MID1: variants seen among roughly 807,000 people sequenced by gnomAD.
The protein encoded by MID1 is E3 ubiquitin-protein ligase Midline-1.
In MID1, 7 loss-of-function variants were observed where a neutral mutation model predicts 40.4. The ratio of observed to expected loss-of-function variants is 0.17; its 90% CI spans 0.10 to 0.33. MID1 has a LOEUF of 0.33. MID1 is among the 10% of genes least tolerant of loss of function. The pLI is 1.00. For missense variants in MID1, 367 were observed against 558.5 expected (o/e 0.66, Z 3.46); for synonymous variants, 229 against 221.2 (o/e 1.04, Z -0.31).
chrX:10,574,608 C>T (rs767494742), intron 1 of MID1, among the ~76,000 whole-genome samples: 5 of 111,894 alleles, frequency 4.5e-5, no homozygotes, highest in Non-Finnish European at 9.4e-5. Flanking sequence ...TAAGGTAAAC[C>T]CACCTCTCAA....
chrX:10,709,844 C>T (rs1357416933), intron 1 of MID1, among the ~76,000 whole-genome samples: 4 of 111,415 alleles, frequency 3.6e-5, no homozygotes, highest in Non-Finnish European at 7.5e-5. Context: ...ATTGCAATGA[C>T]GATTTTGATT....
rs780126366 is a variant in MID1 at position 10,629,176 on chromosome X, T to C, written c.-186-8757A>G. ...GATGAGTCAGGAATTTGCCATTACATTTGGAAGCAAACTGAAGCACTTTAA... is the reference window on the plus strand; with the variant it reads ...GATGAGTCAGGAATTTGCCATTACACTTGGAAGCAAACTGAAGCACTTTAA... On this transcript the variant is annotated intron_variant, in intron 1 of 10. Coordinates refer to the MID1 transcript ENST00000380785. 5.4e-5 allele frequency among the ~76,000 whole-genome samples: 6 copies of C among 111,149 alleles called. No individual in the cohort carries two copies. In the East Asian group the frequency reaches 1.7e-3, roughly 31 times the overall value.
At chrX:10,800,674 A>C (rs1352994181) in intron 1 of MID1, among the ~76,000 whole-genome samples, 1 of 111,819 alleles carries the variant, frequency 8.9e-6, no homozygotes, top group African/African-American at 3.3e-5. Context: ...CTACTACATT[A>C]TACGTAGAAA....
chrX:10,801,393 A>G (rs993703864), intron 1 of MID1, among the ~76,000 whole-genome samples: 2 of 111,768 alleles, frequency 1.8e-5, no homozygotes, highest in African/African-American at 6.5e-5. Context: ...TCCAAGGTCC[A>G]TAACTTATTC....
At chrX:10,531,920 C>G (rs762728523) in intron 2 of MID1, among the ~76,000 whole-genome samples, 83 of 112,200 alleles carry the variant, frequency 7.4e-4, no homozygotes, top group African/African-American at 2.6e-3. Flanking sequence ...ATGGATATCA[C>G]ATGAAGCTAT....
At chrX:10,579,991 C>G (rs1332615177) in intron 1 of MID1, among the ~76,000 whole-genome samples, 1 of 110,140 alleles carries the variant, frequency 9.1e-6, no homozygotes, top group African/African-American at 3.3e-5. Context: ...GGAGCCTTCT[C>G]GGAGAAATTC....
At chrX:10,503,661 T>C (rs1167013983) in intron 3 of MID1, among the ~76,000 whole-genome samples, 3 of 112,085 alleles carry the variant, frequency 2.7e-5, no homozygotes, top group East Asian at 5.6e-4. Context: ...CATAGTGACG[T>C]AGTGGAAAAT....
Position 10,595,683 on chromosome X carries a change from C to T in MID1, c.-57+24607G>A, listed in dbSNP as rs765447518. Among the ~76,000 whole-genome samples, 7 of 111,156 alleles carry T rather than the reference C, an allele frequency of 6.3e-5. No individual in the cohort carries two copies. In the South Asian group the frequency reaches 1.1e-3, roughly 18 times the overall value. Reference sequence around the variant, plus strand: ...CTGAGGGTATGGGGGAAGGGAGGAACGGGTAGAGATTGGTCAATAGGTACA... The same window carrying T: ...CTGAGGGTATGGGGGAAGGGAGGAATGGGTAGAGATTGGTCAATAGGTACA... On this transcript the variant is annotated intron_variant, in intron 1 of 9. Transcript: ENST00000317552.
At chrX:10,769,561 T>C (rs886533457) in intron 1 of MID1, among the ~76,000 whole-genome samples, 1 of 112,302 alleles carries the variant, frequency 8.9e-6, no homozygotes, top group South Asian at 3.7e-4. Flanking sequence ...TTTTTTTCTT[T>C]CTTTTCTTCA....
At chrX:10,582,391 A>G (rs1450050914) in intron 1 of MID1, among the ~76,000 whole-genome samples, 1 of 111,920 alleles carries the variant, frequency 8.9e-6, no homozygotes, top group East Asian at 2.8e-4. Flanking sequence ...AGCTCACAAG[A>G]GGTACAAAAA....
chrX:10,661,994 C>T (rs1424493274), intron 1 of MID1, among the ~76,000 whole-genome samples: 1 of 111,936 alleles, frequency 8.9e-6, no homozygotes, highest in Non-Finnish European at 1.9e-5. Context: ...ATTTCCTTTG[C>T]CTTTTTCGCT....
intron 1 of MID1, among the ~76,000 whole-genome samples, chrX:10,586,551 G>A (rs1935146308): frequency 8.9e-6 from 1 of 112,239 alleles, no homozygotes; most frequent in Admixed American, 9.4e-5. Context: ...TTAGAGTGTT[G>A]CAAACTTCAA....
At chrX:10,572,207 C>T (rs1406798468) in intron 1 of MID1, among the ~76,000 whole-genome samples, 2 of 105,933 alleles carry the variant, frequency 1.9e-5, no homozygotes, top group Non-Finnish European at 3.9e-5. Flanking sequence ...CACACACACA[C>T]ACACACACAC....
intron 1 of MID1, among the ~76,000 whole-genome samples, chrX:10,636,623 C>T (rs928729202): frequency 1.0e-4 from 11 of 107,204 alleles, no homozygotes; most frequent in Non-Finnish European, 2.1e-4. Context: ...CCACTCTCCA[C>T]GGTCTTAAGA....
At chrX:10,467,060 A>G (rs1159522714) in intron 7 of MID1, among the ~76,000 whole-genome samples, 2 of 111,598 alleles carry the variant, frequency 1.8e-5, no homozygotes, top group Non-Finnish European at 3.8e-5. Flanking sequence ...TGTAAGGGCC[A>G]AAGATTGGAA....
intron 3 of MID1, among the ~76,000 whole-genome samples, chrX:10,511,590 T>A (rs1231159844): frequency 8.9e-6 from 1 of 111,887 alleles, no homozygotes; most frequent in African/African-American, 3.3e-5. Context: ...GGTCTTGCTA[T>A]GTTGCCCAGG....
At chrX:10,788,897 G>A (rs2043906639) in intron 1 of MID1, among the ~76,000 whole-genome samples, 2 of 112,477 alleles carry the variant, frequency 1.8e-5, no homozygotes, top group African/African-American at 6.5e-5. Context: ...TTGGGAGGCC[G>A]AGGCGGGAGG....
At chrX:10,737,411 C>A (rs1463987783) in intron 1 of MID1, among the ~76,000 whole-genome samples, 1 of 112,711 alleles carries the variant, frequency 8.9e-6, no homozygotes, top group Non-Finnish European at 1.9e-5. Flanking sequence ...TCTTGCTGCC[C>A]CAGTTGCCAT....
Position 10,685,984 on chromosome X carries a change from A to G in MID1, c.-186-65565T>C, listed in dbSNP as rs762888761. On this transcript the variant is annotated intron_variant, in intron 1 of 10. Coordinates refer to the MID1 transcript ENST00000380785. ...GTGGGATGCAGAGACACAAATCCAA[A>G]ATTAGGTTTCTATCCAGTGGACCAG... Among the ~76,000 whole-genome samples, 5 of 110,646 alleles carry G rather than the reference A, an allele frequency of 4.5e-5. No homozygotes were observed. In the South Asian group the frequency reaches 2.0e-3, roughly 43 times the overall value.
Sources: allele counts gnomAD v4.1 joint callset (sites outside exome capture counted in the v4.1 genomes callset), GRCh38; gene constraint gnomAD v4.1.1; transcripts MANE v1.5; gene names NCBI Gene and HGNC (gene_info 2026-07-23, HGNC 2026-07-21).